The following GALNT18 variants were observed in gnomAD, a reference collection of about 807,000 sequenced individuals.
The protein encoded by GALNT18 is polypeptide N-acetylgalactosaminyltransferase 18.
In GALNT18, 44 loss-of-function variants were observed where a neutral mutation model predicts 69.5. The ratio of observed to expected loss-of-function variants is 0.63; its 90% confidence interval spans 0.50 to 0.81. The LOEUF (loss-of-function observed/expected upper bound fraction) is 0.81. Among genes scored for constraint, GALNT18 ranks in the 40% least tolerant of loss-of-function variants. The pLI, the probability that GALNT18 is intolerant of heterozygous loss-of-function variation, is 0.00. For synonymous variants in GALNT18, 364 were observed against 318.2 expected, an observed-to-expected ratio of 1.14 and a Z score of -1.53; for missense variants, 715 against 810.0, an observed-to-expected ratio of 0.88 and a Z score of 1.42.
intron 3 of GALNT18, among the ~76,000 whole-genome samples, chr11:11,401,501 G>C (rs998734481): frequency 6.6e-6 from 1 of 152,162 alleles, no homozygotes; most frequent in African/African-American, 2.4e-5. Flanking sequence ...CCTGCCTCCT[G>C]TAACGCATGC....
intron 1 of GALNT18, among the ~76,000 whole-genome samples, chr11:11,611,248 C>T (rs1447581865): frequency 6.6e-6 from 1 of 152,130 alleles, no homozygotes; most frequent in Non-Finnish European, 1.5e-5. Context: ...GTTTTGTGCC[C>T]AAACCACTTT....
In GALNT18 at chr11:11,432,651, T is replaced by G. The variant is rs762459442; in HGVS notation, c.565A>C (p.Ile189Leu). 6.2e-7 allele frequency: 1 copy of G among 1,611,100 alleles called. No homozygotes were observed. Among genetic ancestry groups the G allele is most frequent in the Non-Finnish European group, 8.5e-7 (1 of 1,178,712 alleles). ...ERTPPHLLKE[I>L]ILVDDNSSNE... ...CTGCTGTTGTCATCCACCAGAATGA[T>G]CTCCTTGAGCAGATGTGGGGGCGTG... The change falls in exon 3 of 11, where the codon ATC (isoleucine) becomes CTC (leucine). Residue 189 changes from isoleucine (I) to leucine (L), a missense_variant. Ile to Leu is a conservative substitution (Grantham distance 5). Transcript: ENST00000227756. This position sits in a 1 kb window ranked among gnomAD's most constrained non-coding sequence, Gnocchi z 5.8.
chr11:11,287,397 AAGGTGGAG>A (rs1254680014), intron 10 of GALNT18, among the ~76,000 whole-genome samples: 4 of 152,148 alleles, frequency 2.6e-5, no homozygotes, highest in African/African-American at 7.2e-5. Flanking sequence ...ATGGTAGTTG[AAGGTGGAG>A]AGGTGGCCTT....
chr11:11,376,892 G>A (rs1002598379), intron 5 of GALNT18, among the ~76,000 whole-genome samples: 3 of 152,126 alleles, frequency 2.0e-5, no homozygotes, highest in Non-Finnish European at 4.4e-5. Context: ...TTTGGCAGTG[G>A]GAACCAAATC....
intron 9 of GALNT18, among the ~76,000 whole-genome samples, chr11:11,299,690 A>G (rs1319664536): frequency 6.6e-6 from 1 of 152,176 alleles, no homozygotes; most frequent in African/African-American, 2.4e-5. Flanking sequence ...TGGTATATAT[A>G]CCACATTTTC....
In GALNT18 at chr11:11,591,185, TTA is replaced by T. The variant is rs1262423318; in HGVS notation, c.235+30172_235+30173del. Reference sequence around the variant, plus strand: ...GTGTGTGTGTGTGTGTGTGTGTGTGTTAGTTTTTAAGCCTTTTTAAGGCCTTT... The same window carrying T: ...GTGTGTGTGTGTGTGTGTGTGTGTGTGTTTTTAAGCCTTTTTAAGGCCTTT... On this transcript the variant is annotated intron_variant, in intron 1 of 10. Transcript: ENST00000227756. This position sits in a 1 kb window ranked among gnomAD's most constrained non-coding sequence, Gnocchi z 4.8. 1.3e-5 allele frequency among the ~76,000 whole-genome samples: 2 copies of T among 151,654 alleles called. No individual in the cohort carries two copies. The highest frequency in any genetic ancestry group is 2.9e-5 in the Non-Finnish European group (2 of 67,904).
At chr11:11,304,491 G>C (rs1251646211) in intron 9 of GALNT18, among the ~76,000 whole-genome samples, 1 of 152,160 alleles carries the variant, frequency 6.6e-6, no homozygotes, top group African/African-American at 2.4e-5. Context: ...GCTATAAGCT[G>C]TGCCTACTCA....
chr11:11,509,014 C>T lies in GALNT18; in HGVS notation c.236-60078G>A, dbSNP rs559587861. On this transcript the variant is annotated intron_variant, in intron 1 of 10. Coordinates refer to ENST00000227756, the MANE Select transcript of GALNT18 (RefSeq NM_198516.3). ...CAACCAGATCTGGCCCCAGCTCCCA[C>T]CCCTCTCCCATGACTTCCCTACCTC... 7.2e-5 allele frequency among the ~76,000 whole-genome samples: 11 copies of T among 152,246 alleles called. No individual in the cohort carries two copies. In the East Asian group the frequency reaches 2.1e-3, roughly 29 times the overall value.
chr11:11,520,629 A>T (rs1857375016), intron 1 of GALNT18, among the ~76,000 whole-genome samples: 1 of 152,080 alleles, frequency 6.6e-6, no homozygotes. Flanking sequence ...GAGTAGGGAG[A>T]GCTCTGGGGA....
chr11:11,519,572 A>T (rs959494892), intron 1 of GALNT18, among the ~76,000 whole-genome samples: 2 of 152,222 alleles, frequency 1.3e-5, no homozygotes, highest in Admixed American at 1.3e-4. Context: ...CTAGGCCAGG[A>T]ACCCATTCTC....
chr11:11,293,808 G>A (rs1004040417), intron 9 of GALNT18, among the ~76,000 whole-genome samples: 2 of 152,102 alleles, frequency 1.3e-5, no homozygotes, highest in Non-Finnish European at 2.9e-5. Context: ...ATTATTTACA[G>A]ATTGCCTGAT....
In GALNT18 at chr11:11,582,484, A is replaced by T. The variant is rs911169023; in HGVS notation, c.235+38875T>A. ...TTGCTTGGACCACTGGAATAGGAGCAGAAGTGATAAACATGCACCAATTTG... is the reference window on the plus strand; with the variant it reads ...TTGCTTGGACCACTGGAATAGGAGCTGAAGTGATAAACATGCACCAATTTG... On this transcript the variant is annotated intron_variant, in intron 1 of 10. Coordinates refer to ENST00000227756, the MANE Select transcript of GALNT18 (RefSeq NM_198516.3). The surrounding 1 kb of genome is among the most constrained non-coding windows in gnomAD (Gnocchi z 5.0). Among the ~76,000 whole-genome samples, 1 of 152,272 alleles carries T rather than the reference A, an allele frequency of 6.6e-6. No individual in the cohort carries two copies. Among genetic ancestry groups the T allele is most frequent in the African/African-American group, 2.4e-5 (1 of 41,478 alleles).
chr11:11,337,432 A>G lies in GALNT18; in HGVS notation c.1278+3387T>C, dbSNP rs148841514. On this transcript the variant is annotated intron_variant, in intron 7 of 10. Coordinates refer to ENST00000227756, the MANE Select transcript of GALNT18 (RefSeq NM_198516.3). This position sits in a 1 kb window ranked among gnomAD's most constrained non-coding sequence, Gnocchi z 4.9. ...AACTTTCCCAAAAAACAGATCCCAG[A>G]GGCCCCTTCCAAACCAGTTAAGTGG... Among the ~76,000 whole-genome samples the G allele has an allele frequency of 0.019, 2,929 of 152,318 alleles. 52 individuals are homozygous for G. Among genetic ancestry groups the G allele is most frequent in the Middle Eastern group, 0.051 (15 of 294 alleles).
intron 10 of GALNT18, among the ~76,000 whole-genome samples, chr11:11,275,787 G>A (rs566170045): frequency 1.3e-5 from 2 of 152,242 alleles, no homozygotes; most frequent in East Asian, 3.9e-4. Context: ...TATTAAATAG[G>A]GAATCCTTTC....
rs1180183828 is a variant in GALNT18, at chr11:11,439,284, T to C, written c.429-6497A>G. Among the ~76,000 whole-genome samples the C allele has an allele frequency of 6.6e-6, 1 of 152,204 alleles. No individual in the cohort carries two copies. Among genetic ancestry groups the C allele is most frequent in the East Asian group, 1.9e-4 (1 of 5,194 alleles). Reference sequence around the variant, plus strand: ...AAGTGGGGCAAAGAGGATGGCAGGCTGGAGCTGTCCAGGATGTCTTGAACC... The same window carrying C: ...AAGTGGGGCAAAGAGGATGGCAGGCCGGAGCTGTCCAGGATGTCTTGAACC... On this transcript the variant is annotated intron_variant, in intron 2 of 10. Coordinates refer to ENST00000227756, the MANE Select transcript of GALNT18 (RefSeq NM_198516.3). The surrounding 1 kb of genome is among the most constrained non-coding windows in gnomAD (Gnocchi z 4.4).
chr11:11,501,315 G>C (rs545361167), intron 1 of GALNT18, among the ~76,000 whole-genome samples: 8 of 152,284 alleles, frequency 5.3e-5, no homozygotes, highest in African/African-American at 1.9e-4. Context: ...CCAAGACATC[G>C]ATGGGAATGA....
At chr11:11,306,674 A>G (rs1342201440) in intron 9 of GALNT18, among the ~76,000 whole-genome samples, 1 of 152,218 alleles carries the variant, frequency 6.6e-6, no homozygotes, top group African/African-American at 2.4e-5. Context: ...ATGAGCACTC[A>G]ATATTTTTGA....
chr11:11,542,880 C>A lies in GALNT18; in HGVS notation c.235+78479G>T, dbSNP rs1430173567. On this transcript the variant is annotated intron_variant, in intron 1 of 10. Coordinates refer to ENST00000227756, the MANE Select transcript of GALNT18 (RefSeq NM_198516.3). The surrounding 1 kb of genome is among the most constrained non-coding windows in gnomAD (Gnocchi z 4.3). ...TTGCTTTCTGAGACTCAGCCACAGC[C>A]TTTGGGCAAAGTGTTTAATGGTCAG... Among the ~76,000 whole-genome samples the A allele has an allele frequency of 6.6e-6, 1 of 152,240 alleles. No individual in the cohort carries two copies. Among genetic ancestry groups the A allele is most frequent in the Non-Finnish European group, 1.5e-5 (1 of 68,054 alleles).
chr11:11,282,888 C>G (rs935630747), intron 10 of GALNT18, among the ~76,000 whole-genome samples: 8 of 151,660 alleles, frequency 5.3e-5, no homozygotes, highest in Non-Finnish European at 1.2e-4. Context: ...CCAAAGCATG[C>G]GAGAAGGTGA....
Sources: gnomAD v4.1 joint callset for allele counts (sites outside exome capture counted in the v4.1 genomes callset) on GRCh38, gnomAD v4.1.1 for gene constraint, Gnocchi (gnomAD v3.1) non-coding constraint, MANE v1.5 for transcripts, NCBI Gene and HGNC (gene_info 2026-07-23, HGNC 2026-07-21) for gene names.